GLG1: variants seen among roughly 807,000 people sequenced by gnomAD.
GLG1 encodes the protein Golgi apparatus protein 1.
GLG1 carries 38 observed loss-of-function variants against 160.5 expected under a neutral mutation model. The observed-to-expected ratio is 0.24, with a 90% CI of 0.18 to 0.31. The LOEUF (loss-of-function observed/expected upper bound fraction) is 0.31. Ranked by LOEUF, GLG1 falls within the 10% of genes least tolerant of loss-of-function variation. The probability of loss-of-function intolerance (pLI) is 1.00; values close to 1 mark genes in which losing one functional copy is unlikely to be tolerated. For missense variants in GLG1, 1,373 were observed against 1,505.2 expected (o/e 0.91, Z 1.45); for synonymous variants, 644 against 543.4 (o/e 1.19, Z -2.57).
At chr16:74,577,581 G>C (rs897621282) in intron 1 of GLG1, among the ~76,000 whole-genome samples, 3 of 151,598 alleles carry the variant, frequency 2.0e-5, no homozygotes, top group Non-Finnish European at 2.9e-5. Context: ...ACAGGAAGGG[G>C]TAAGTATTCT....
chr16:74,487,990 A>G (rs1485454723), intron 8 of GLG1, among the ~76,000 whole-genome samples: 2 of 152,190 alleles, frequency 1.3e-5, no homozygotes, highest in African/African-American at 4.8e-5. Flanking sequence ...AGAGAATAAG[A>G]CTGGCAGTTA....
At chr16:74,580,509 A>T (rs56761522) in intron 1 of GLG1, among the ~76,000 whole-genome samples, 5,828 of 152,024 alleles carry the variant, frequency 0.038, 129 homozygotes, top group African/African-American at 0.042. Flanking sequence ...AAAAAGAAAA[A>T]TTTTTTTTAA....
rs2014229163 is a variant in GLG1, at chr16:74,450,104, T to A, written c.*3063A>T. On this transcript the variant is annotated 3_prime_UTR_variant, in exon 26 of 26. Coordinates refer to ENST00000422840, the MANE Select transcript of GLG1 (RefSeq NM_001145667.2). ...AGGGACACTGGCATGAACTGGTAAG[T>A]CCAGATGACAGTGACCCAGCTGCTA... 1 of 152,148 alleles carries A rather than the reference T, an allele frequency of 6.6e-6. No individual in the cohort carries two copies. Among genetic ancestry groups the A allele is most frequent in the Non-Finnish European group, 1.5e-5 (1 of 68,042 alleles). 9.4% of individuals were successfully genotyped at this position (152,148 alleles called of 1,614,324 possible).
chr16:74,479,863 T>C (rs1214524136), intron 11 of GLG1, among the ~76,000 whole-genome samples: 1 of 152,174 alleles, frequency 6.6e-6, no homozygotes, highest in Non-Finnish European at 1.5e-5. Flanking sequence ...TGCAAATGTG[T>C]TCAGCTGCCA....
chr16:74,467,982 G>A, intron 17 of GLG1, 134 bp from the exon 18 acceptor site: 1 of 593,970 alleles, frequency 1.7e-6, no homozygotes, highest in East Asian at 2.9e-5. Flanking sequence ...CTTGCAGCAA[G>A]AGAATCAGGC....
chr16:74,472,705 C>CA, intron 13 of GLG1: 1 of 540,686 alleles, frequency 1.8e-6, no homozygotes, highest in Non-Finnish European at 3.2e-6. Context: ...TTAGAGTATG[C>CA]AAAGCCTTTG....
At chr16:74,595,110 C>A (rs955790300) in intron 1 of GLG1, among the ~76,000 whole-genome samples, 2 of 151,402 alleles carry the variant, frequency 1.3e-5, no homozygotes, top group African/African-American at 4.9e-5. Flanking sequence ...ACGGCATGAA[C>A]CCGGGAGGCG....
intron 4 of GLG1, among the ~76,000 whole-genome samples, chr16:74,498,467 T>TATATATATATATATATATATA (rs1555510304): frequency 3.6e-5 from 2 of 55,876 alleles, no homozygotes; most frequent in Non-Finnish European, 7.1e-5. Context: ...TATATATATA[T>TATATATATATATATATATATA]TATATTTTAT....
chr16:74,481,884 T>C (rs956319518), intron 10 of GLG1, among the ~76,000 whole-genome samples: 18 of 152,082 alleles, frequency 1.2e-4, no homozygotes, highest in African/African-American at 4.1e-4. Context: ...TCCCGGGTTT[T>C]ACACCATTCT....
chr16:74,527,513 G>C (rs2017377917), intron 2 of GLG1, among the ~76,000 whole-genome samples: 2 of 151,902 alleles, frequency 1.3e-5, no homozygotes, highest in Non-Finnish European at 2.9e-5. Context: ...GCCTCCCAAA[G>C]TGCTGGGATT....
At chr16:74,526,713 G>A (rs2017346036) in intron 2 of GLG1, among the ~76,000 whole-genome samples, 1 of 152,142 alleles carries the variant, frequency 6.6e-6, no homozygotes, top group East Asian at 1.9e-4. Context: ...GACAGACCAA[G>A]ACCTTGTCTC....
At chr16:74,492,891 A>T in intron 7 of GLG1, 66 bp downstream of exon 7, 1 of 928,774 alleles carries the variant, frequency 1.1e-6, no homozygotes, top group Non-Finnish European at 1.6e-6. Context: ...TTATATATAT[A>T]AAGCTTTAGA....
Position 74,606,905 on chromosome 16 carries a change from G to T in GLG1, c.190C>A (p.Pro64Thr). Residue 64 changes from proline to threonine, a missense_variant, in exon 1 of 26, where the codon CCC becomes ACC. Transcript: ENST00000422840. ...GGGGPAGQQL[P>T]QLPQSSQLQQ... ...AGCTGCGATGACTGAGGCAGCTGGG[G>T]CAGCTGCTGACCCGCCGGGCCGCCG... 6.2e-7 allele frequency: 1 copy of T among 1,605,054 alleles called. No individual in the cohort carries two copies. The highest frequency in any genetic ancestry group is 1.1e-5 in the South Asian group (1 of 90,364).
chr16:74,569,424 T>A (rs1714673231), intron 1 of GLG1, among the ~76,000 whole-genome samples: 1 of 152,270 alleles, frequency 6.6e-6, no homozygotes, highest in Non-Finnish European at 1.5e-5. Context: ...ATACCTGAAC[T>A]GAACAATGCC....
intron 7 of GLG1, among the ~76,000 whole-genome samples, chr16:74,492,063 C>T (rs2016014508): frequency 1.3e-5 from 2 of 151,916 alleles, no homozygotes; most frequent in Non-Finnish European, 2.9e-5. Context: ...CCCTGAGTCT[C>T]CTCAAAATGT....
At chr16:74,563,209 C>G (rs2018555616) in intron 1 of GLG1, 1 of 152,184 alleles carries the variant, frequency 6.6e-6, no homozygotes, top group Non-Finnish European at 1.5e-5. Context: ...TACAGCCAAC[C>G]TTATCCATAG....
chr16:74,490,818 G>A (rs1673241724), intron 8 of GLG1, among the ~76,000 whole-genome samples, 183 bp downstream of exon 8: 1 of 152,156 alleles, frequency 6.6e-6, no homozygotes, highest in Non-Finnish European at 1.5e-5. Context: ...TTGCTCTGTA[G>A]CAAATGTCAC....
intron 1 of GLG1, among the ~76,000 whole-genome samples, chr16:74,577,466 G>C (rs2019037368): frequency 7.4e-6 from 1 of 135,662 alleles, no homozygotes. Context: ...AAAGTGCAGT[G>C]AACAGCAATG....
In GLG1 at chr16:74,505,796, A is replaced by G. The variant is rs986717625; in HGVS notation, c.559-2050T>C. On this transcript the variant is annotated intron_variant, in intron 3 of 25. Transcript: ENST00000422840. ...CTAGAACCCGGCAGGCGGAGGTTGCAGTGAGCTGAGATTGAGCCATTGCAT... is the reference window on the plus strand; with the variant it reads ...CTAGAACCCGGCAGGCGGAGGTTGCGGTGAGCTGAGATTGAGCCATTGCAT... Among the ~76,000 whole-genome samples the G allele has an allele frequency of 3.3e-5, 5 of 152,310 alleles. No homozygotes were observed. The East Asian group carries it at 5.8e-4, about 18-fold the overall frequency.
Sources: allele counts gnomAD v4.1 joint callset (sites outside exome capture counted in the v4.1 genomes callset), GRCh38; gene constraint gnomAD v4.1.1; transcripts MANE v1.5; gene names NCBI Gene and HGNC (gene_info 2026-07-23, HGNC 2026-07-21).